Variants in OGFRL1 observed in about 807,000 individuals in gnomAD.
OGFRL1 encodes the protein opioid growth factor receptor like 1, also known as opioid growth factor receptor-like protein 1.
OGFRL1 carries 26 observed loss-of-function variants against 32.4 expected under a neutral mutation model. That is an observed-to-expected ratio of 0.80 (90% CI 0.59 to 1.11). The LOEUF (loss-of-function observed/expected upper bound fraction) is 1.11, where lower values mean the gene tolerates loss of function less well. Ranked by LOEUF, OGFRL1 falls within the 50% of genes most tolerant of loss-of-function variation. The probability of loss-of-function intolerance (pLI) is 0.00; values close to 1 mark genes in which losing one functional copy is unlikely to be tolerated. For synonymous variants in OGFRL1, 211 were observed against 201.2 expected (o/e 1.05, Z -0.41); for missense variants, 521 against 546.4 (o/e 0.95, Z 0.46).
Position 71,296,355 on chromosome 6 carries a change from G to A in OGFRL1, c.439G>A (p.Asp147Asn), listed in dbSNP as rs760966031. The change falls in exon 4 of 7, where the codon GAT (aspartate) becomes AAT (asparagine). Residue 147 changes from aspartate (D) to asparagine (N), a missense_variant. Asp to Asn is a conservative substitution (Grantham distance 23, BLOSUM62 1). Coordinates refer to ENST00000370435, the MANE Select transcript of OGFRL1 (RefSeq NM_024576.5). ...AGAAGTTCTAAGTAAATGGAAAGGA[G>A]ATTATGAAAAACTGGAGCACAACCA... ...IEEVLSKWKG[D>N]YEKLEHNHTY... 6.2e-7 allele frequency: 1 copy of A among 1,611,234 alleles called. No homozygotes were observed. The highest frequency in any genetic ancestry group is 2.2e-5 in the East Asian group (1 of 44,764).
At position 71,302,338 on chromosome 6, in the gene OGFRL1, T is replaced by G; in HGVS notation, c.*289T>G. The G allele has an allele frequency of 4.5e-6, 1 of 221,238 alleles. No individual in the cohort carries two copies. The highest frequency in any genetic ancestry group is 8.4e-6 in the Non-Finnish European group (1 of 118,902). 13.7% of individuals were successfully genotyped at this position (221,238 alleles called of 1,614,324 possible). ...ACTTTGAGAATATTTTCAGAGTATC[T>G]AGAAATTACCATGTAGTATTTGGTA... On this transcript the variant is annotated 3_prime_UTR_variant, in exon 7 of 7. Coordinates refer to ENST00000370435, the MANE Select transcript of OGFRL1 (RefSeq NM_024576.5).
In OGFRL1 at chr6:71,301,631, G is replaced by A. The variant is rs748883572; in HGVS notation, c.938G>A (p.Gly313Glu). The A allele has an allele frequency of 6.2e-7, 1 of 1,614,118 alleles. No individual in the cohort carries two copies. Among genetic ancestry groups the A allele is most frequent in the Non-Finnish European group, 8.5e-7 (1 of 1,180,042 alleles). Residue 313 changes from glycine to glutamate, a missense_variant, in exon 7 of 7, where the codon GGA (glycine) becomes GAA (glutamate). Transcript: ENST00000370435. ...HYTPSENFIW[G>E]PPRKEQSEGS... Reference sequence around the variant, plus strand: ...ACGCCTTCAGAGAACTTTATCTGGGGACCGCCTCGAAAAGAACAGTCGGAG... The same window carrying A: ...ACGCCTTCAGAGAACTTTATCTGGGAACCGCCTCGAAAAGAACAGTCGGAG...
Position 71,296,413 on chromosome 6 carries a change from T to C in OGFRL1, c.479+18T>C. ...ATTCAATGGTCAGTTACATATTATCTATCTTGAACCATGTCCTATTTAATC... is the reference window on the plus strand; with the variant it reads ...ATTCAATGGTCAGTTACATATTATCCATCTTGAACCATGTCCTATTTAATC... On this transcript the variant is annotated intron_variant, in intron 4 of 6. Coordinates refer to ENST00000370435, the MANE Select transcript of OGFRL1 (RefSeq NM_024576.5). 1 of 1,603,718 alleles carries C rather than the reference T, an allele frequency of 6.2e-7. No homozygotes were observed. Among genetic ancestry groups the C allele is most frequent in the East Asian group, 2.2e-5 (1 of 44,720 alleles).
chr6:71,296,877 T>A, intron 6 of OGFRL1, 60 bp downstream of exon 6: 1 of 1,552,250 alleles, frequency 6.4e-7, no homozygotes, highest in Non-Finnish European at 8.7e-7. Flanking sequence ...TTGGTCAGAG[T>A]TCTCTATGAA....
intron 1 of OGFRL1, among the ~76,000 whole-genome samples, chr6:71,292,902 A>G (rs1262634607): frequency 6.6e-6 from 1 of 152,162 alleles, no homozygotes; most frequent in African/African-American, 2.4e-5. Flanking sequence ...ACACATTCTT[A>G]GTATTATGTA....
intron 5 of OGFRL1, 30 bp from the exon 6 acceptor site, chr6:71,296,642 T>G (rs1582554969): frequency 1.2e-6 from 2 of 1,608,874 alleles, no homozygotes. Flanking sequence ...CTGAATCATT[T>G]CAGGTGACTT....
rs1373885263 is a variant in OGFRL1, at chr6:71,308,641, T to C, written c.*6592T>C. On this transcript the variant is annotated 3_prime_UTR_variant, in exon 7 of 7. Transcript: ENST00000370435. The stretch of plus-strand genomic sequence containing the variant: ...TACCATGTGTATGTGGTAGAAGTTG[T>C]AACCAGTTTCTGGATCTGTATGGTA... 1.3e-5 allele frequency: 2 copies of C among 152,200 alleles called. No individual in the cohort carries two copies. Among genetic ancestry groups the C allele is most frequent in the Non-Finnish European group, 2.9e-5 (2 of 68,022 alleles). 9.4% of individuals were successfully genotyped at this position (152,200 alleles called of 1,614,324 possible). A position where few individuals can be genotyped will look rare whatever the true frequency, so the allele number is the denominator to read the frequency against.
chr6:71,301,920 AAC>A lies in OGFRL1; in HGVS notation c.1229_1230del (p.Thr410SerfsTer14). The A allele has an allele frequency of 6.2e-7, 1 of 1,613,952 alleles. No homozygotes were observed. Among genetic ancestry groups the A allele is most frequent in the Non-Finnish European group, 8.5e-7 (1 of 1,179,986 alleles). On this transcript the variant is annotated frameshift_variant, in exon 7 of 7. Transcript: ENST00000370435. LOFTEE classifies it low-confidence loss of function (END_TRUNC). Reference sequence around the variant, plus strand: ...AGAACATGAATTCTCAACCTGAGAAAACAGTTACTACTCCCACAGAAAAAAAG... The same window carrying A: ...AGAACATGAATTCTCAACCTGAGAAAAGTTACTACTCCCACAGAAAAAAAG... The part of the protein sequence containing the change: ...AENMNSQPEK[T>X]VTTPTEKKES...
chr6:71,295,645 A>G (rs1036115354), intron 3 of OGFRL1: 20 of 152,198 alleles, frequency 1.3e-4, no homozygotes, highest in African/African-American at 4.8e-4. Flanking sequence ...CACTGGCAGC[A>G]TTCTGTGAAG....
At chr6:71,289,673 A>G (rs1392176140) in intron 1 of OGFRL1, 1 of 984,746 alleles carries the variant, frequency 1.0e-6, no homozygotes. Context: ...CCCTCATCTG[A>G]AGTTCATACG....
In OGFRL1 at chr6:71,302,713, AC is replaced by A. The variant is rs1472589919; in HGVS notation, c.*667del. 1 of 150,972 alleles carries A rather than the reference AC, an allele frequency of 6.6e-6. No individual in the cohort carries two copies. The highest frequency in any genetic ancestry group is 1.5e-5 in the Non-Finnish European group (1 of 67,686). 9.4% of individuals were successfully genotyped at this position (150,972 alleles called of 1,614,324 possible). A position where few individuals can be genotyped will look rare whatever the true frequency, so the allele number is the denominator to read the frequency against. On this transcript the variant is annotated 3_prime_UTR_variant, in exon 7 of 7. Coordinates refer to ENST00000370435, the MANE Select transcript of OGFRL1 (RefSeq NM_024576.5). ...TCTCAAACTCCTGACCTCATGATCC[AC>A]CCGCCTCGGCCTCCCAAAGTGCTGG...
In OGFRL1 at chr6:71,289,313, C is replaced by G. The variant is rs945879807; in HGVS notation, c.234+143C>G. On this transcript the variant is annotated intron_variant, in intron 1 of 6. Coordinates refer to ENST00000370435, the MANE Select transcript of OGFRL1 (RefSeq NM_024576.5). ...GCGACCCGACCCCTCCGCGCCGCGGCTGACCTGTCTCCCGGTGGAGCCCGG... is the reference window on the plus strand; with the variant it reads ...GCGACCCGACCCCTCCGCGCCGCGGGTGACCTGTCTCCCGGTGGAGCCCGG... 2.2e-5 allele frequency: 22 copies of G among 1,010,678 alleles called. No individual in the cohort carries two copies. In the African/African-American group the frequency reaches 3.6e-4, roughly 17 times the overall value. The allele number at this position is 1,010,678 out of a possible 1,614,324, so 62.6% of individuals were successfully genotyped here. A position where few individuals can be genotyped will look rare whatever the true frequency, so the allele number is the denominator to read the frequency against.
In OGFRL1 at chr6:71,289,150, G is replaced by A; in HGVS notation, c.214G>A (p.Glu72Lys). The A allele has an allele frequency of 9.2e-7, 1 of 1,083,868 alleles. No individual in the cohort carries two copies. The allele number at this position is 1,083,868 out of a possible 1,614,324, so 67.1% of individuals were successfully genotyped here. A position where few individuals can be genotyped will look rare whatever the true frequency, so the allele number is the denominator to read the frequency against. The part of the protein sequence containing the change: ...GASPAPDEDA[E>K]AAGAEQGGDS... The stretch of plus-strand genomic sequence containing the variant: ...CAGCCCCGCGCCGGACGAGGACGCC[G>A]AGGCGGCGGGCGCCGAGCAGGTACG... The change falls in exon 1 of 7, where the codon GAG becomes AAG. Residue 72 changes from glutamate (E) to lysine (K), a missense_variant. Glu to Lys is a moderately conservative substitution (Grantham distance 56). Coordinates refer to ENST00000370435, the MANE Select transcript of OGFRL1 (RefSeq NM_024576.5).
chr6:71,296,788 C>G lies in OGFRL1; in HGVS notation c.663C>G (p.Asn221Lys), dbSNP rs374086301. The change falls in exon 6 of 7, where the codon AAC becomes AAG. Residue 221 changes from asparagine to lysine, a missense_variant. Asn to Lys is a moderately conservative substitution (Grantham distance 94). Coordinates refer to ENST00000370435, the MANE Select transcript of OGFRL1 (RefSeq NM_024576.5). Reference protein sequence around the residue: ...DKTGNVARAVNWQERFQHLNE... With the variant: ...DKTGNVARAVKWQERFQHLNE... Reference sequence around the variant, plus strand: ...CTGGAAATGTTGCTCGGGCTGTTAACTGGCAGGAAAGATTTCAGCATCTGA... The same window carrying G: ...CTGGAAATGTTGCTCGGGCTGTTAAGTGGCAGGAAAGATTTCAGCATCTGA... 10 of 1,613,124 alleles carry G rather than the reference C, an allele frequency of 6.2e-6. No individual in the cohort carries two copies. The highest frequency in any genetic ancestry group is 5.9e-6 in the Non-Finnish European group (7 of 1,179,530).
chr6:71,293,201 TC>T, intron 1 of OGFRL1, 91 bp from the exon 2 acceptor site: 7 of 1,008,728 alleles, frequency 6.9e-6, no homozygotes, highest in Admixed American at 2.1e-5. Flanking sequence ...TTTCAGGCTT[TC>T]TTTATGGATC....
Position 71,288,996 on chromosome 6 carries a change from C to T in OGFRL1, c.60C>T (p.Asp20=). ...AGCCCACCACCGTGGAGGACTGCGACTCCACCTGGCAGACCGACTCGGAGC... is the reference window on the plus strand; with the variant it reads ...AGCCCACCACCGTGGAGGACTGCGATTCCACCTGGCAGACCGACTCGGAGC... ...FREPTTVEDC[D]STWQTDSEPE... Residue 20 remains aspartate, a synonymous_variant, in exon 1 of 7, where the codon GAC becomes GAT. Transcript: ENST00000370435. 3 of 1,389,556 alleles carry T rather than the reference C, an allele frequency of 2.2e-6. No individual in the cohort carries two copies. The highest frequency in any genetic ancestry group is 2.8e-6 in the Non-Finnish European group (3 of 1,055,508). 86.1% of individuals were successfully genotyped at this position (1,389,556 alleles called of 1,614,324 possible). A position where few individuals can be genotyped will look rare whatever the true frequency, so the allele number is the denominator to read the frequency against.
At chr6:71,297,627 A>G (rs2149354664) in intron 6 of OGFRL1, among the ~76,000 whole-genome samples, 1 of 152,214 alleles carries the variant, frequency 6.6e-6, no homozygotes, top group South Asian at 2.1e-4. Context: ...ACTTTTAAGC[A>G]TATTATAATT....
chr6:71,296,847 G>C (rs745645376), intron 6 of OGFRL1, 30 bp downstream of exon 6: 17 of 1,593,326 alleles, frequency 1.1e-5, no homozygotes. Context: ...TAAATCAGGG[G>C]CCAGCACAGT....
At position 71,288,917 on chromosome 6, in the gene OGFRL1, C is replaced by T. The variant is rs1485313280; in HGVS notation, c.-20C>T. The T allele has an allele frequency of 7.6e-7, 1 of 1,314,866 alleles. No individual in the cohort carries two copies. The highest frequency in any genetic ancestry group is 2.5e-5 in the Admixed American group (1 of 39,340). The allele number at this position is 1,314,866 out of a possible 1,614,324, so 81.4% of individuals were successfully genotyped here. A position where few individuals can be genotyped will look rare whatever the true frequency, so the allele number is the denominator to read the frequency against. ...TGCGCCCCGCAGCCCCGCAGCCCCG[C>T]GCCCGCCGCCGCCTCTTCAATGGGC... On this transcript the variant is annotated 5_prime_UTR_variant, in exon 1 of 7. Transcript: ENST00000370435.
Sources: gnomAD v4.1 joint callset for allele counts (sites outside exome capture counted in the v4.1 genomes callset) on GRCh38, gnomAD v4.1.1 for gene constraint, MANE v1.5 for transcripts, NCBI Gene and HGNC (gene_info 2026-07-23, HGNC 2026-07-21) for gene names.